The following PCBP3 variants were observed in gnomAD, a reference collection of about 807,000 sequenced individuals.
PCBP3 encodes poly(rC) binding protein 3.
In PCBP3, 25 loss-of-function variants were observed where a neutral mutation model predicts 52.7. The ratio of observed to expected loss-of-function variants is 0.47; its 90% confidence interval spans 0.35 to 0.66. The LOEUF (loss-of-function observed/expected upper bound fraction) is 0.66. Among genes scored for constraint, PCBP3 ranks in the 30% least tolerant of loss-of-function variants. The pLI is 0.01. For missense variants in PCBP3, 391 were observed against 490.3 expected (o/e 0.80, Z 1.91); for synonymous variants, 162 against 183.0 (o/e 0.89, Z 0.93).
At chr21:45,900,149 T>TG (rs1231180881) in intron 7 of PCBP3, among the ~76,000 whole-genome samples, 1 of 152,158 alleles carries the variant, frequency 6.6e-6, no homozygotes, top group Non-Finnish European at 1.5e-5. Context: ...AGTCCCACCA[T>TG]GGGGGCGCCT....
At chr21:45,770,680 AAGT>A (rs1188258275) in intron 4 of PCBP3, among the ~76,000 whole-genome samples, 2 of 152,242 alleles carry the variant, frequency 1.3e-5, no homozygotes, top group Non-Finnish European at 2.9e-5. Context: ...CTGGATGTGA[AAGT>A]AGCAGGAGGC....
chr21:45,794,068 T>C (rs538004401), intron 4 of PCBP3, among the ~76,000 whole-genome samples: 2 of 152,214 alleles, frequency 1.3e-5, no homozygotes, highest in South Asian at 4.2e-4. Context: ...GAAATAAAAA[T>C]CTCAAGCATA....
At chr21:45,643,934 C>G (rs1477245777) in intron 1 of PCBP3, 66 bp downstream of exon 1, 1 of 148,944 alleles carries the variant, frequency 6.7e-6, no homozygotes, top group African/African-American at 2.4e-5. Context: ...ACCCAGTCCC[C>G]GACGGAGGCC....
intron 5 of PCBP3, among the ~76,000 whole-genome samples, chr21:45,895,349 A>G (rs2095797263): frequency 6.6e-6 from 1 of 152,132 alleles, no homozygotes; most frequent in African/African-American, 2.4e-5. Context: ...GCAGCTTCAC[A>G]GGTTTCTGTT....
chr21:45,724,463 C>T lies in PCBP3; in HGVS notation c.-199-10929C>T, dbSNP rs538793291. 9.9e-5 allele frequency among the ~76,000 whole-genome samples: 15 copies of T among 152,274 alleles called. No homozygotes were observed. The East Asian group carries it at 2.7e-3, about 27-fold the overall frequency. ...CTCCCAACGGGGCAGCCCCAGAAGC[C>T]AACACTGCATGTTGGAAGGAGTCCC... On this transcript the variant is annotated intron_variant, in intron 2 of 17. Transcript: ENST00000681687. The surrounding 1 kb of genome is among the most constrained non-coding windows in gnomAD (Gnocchi z 5.3).
At chr21:45,645,710 A>C (rs2079205970) in intron 1 of PCBP3, among the ~76,000 whole-genome samples, 2 of 152,172 alleles carry the variant, frequency 1.3e-5, no homozygotes, top group Non-Finnish European at 2.9e-5. Context: ...AGCTATTCAG[A>C]TTTGGATTCT....
intron 2 of PCBP3, among the ~76,000 whole-genome samples, chr21:45,713,354 A>G (rs551637194): frequency 1.3e-5 from 2 of 152,204 alleles, no homozygotes; most frequent in Admixed American, 1.3e-4. Context: ...TATGCTCCAG[A>G]CAAACCGGGA....
intron 4 of PCBP3, among the ~76,000 whole-genome samples, chr21:45,797,763 T>TCCATA (rs2092039382): frequency 1.1e-3 from 1 of 930 alleles, no homozygotes. Context: ...AGTGAATGGA[T>TCCATA]GTGCATGTGG....
chr21:45,752,449 C>T (rs1315308658), intron 3 of PCBP3, among the ~76,000 whole-genome samples: 1 of 151,870 alleles, frequency 6.6e-6, no homozygotes, highest in Non-Finnish European at 1.5e-5. Flanking sequence ...TGTACATTTC[C>T]CTCAAAGTAC....
intron 2 of PCBP3, among the ~76,000 whole-genome samples, chr21:45,671,000 G>A (rs2081135501): frequency 6.6e-6 from 1 of 152,130 alleles, no homozygotes. Flanking sequence ...CATGGAGAAG[G>A]CACACATGCT....
intron 7 of PCBP3, among the ~76,000 whole-genome samples, chr21:45,900,090 C>A (rs1271129944): frequency 6.6e-6 from 1 of 152,220 alleles, no homozygotes; most frequent in African/African-American, 2.4e-5. Flanking sequence ...GTGAGGGCCA[C>A]CTCCCTGTCT....
In PCBP3 at chr21:45,788,907, A is replaced by G. The variant is rs113312464; in HGVS notation, c.-126+33455A>G. 0.013 allele frequency among the ~76,000 whole-genome samples: 2,029 copies of G among 152,342 alleles called. 61 individuals carry two copies. Among genetic ancestry groups the G allele is most frequent in the African/African-American group, 0.046 (1,896 of 41,558 alleles). ...AGTGGAGCTAATGACACATTTCAGA[A>G]TTAGAAATGGTTTTAGCAATAATTC... On this transcript the variant is annotated intron_variant, in intron 4 of 17. Coordinates refer to ENST00000681687, the MANE Select transcript of PCBP3 (RefSeq NM_001384156.1). The surrounding 1 kb of genome is among the most constrained non-coding windows in gnomAD (Gnocchi z 4.3).
intron 3 of PCBP3, among the ~76,000 whole-genome samples, chr21:45,740,712 AGT>A (rs985002790): frequency 1.3e-5 from 2 of 150,634 alleles, no homozygotes; most frequent in African/African-American, 2.5e-5. Flanking sequence ...TGTGCAGGTG[AGT>A]GTGTATATAG....
chr21:45,717,592 A>G (rs990940306), intron 2 of PCBP3, among the ~76,000 whole-genome samples: 4 of 152,188 alleles, frequency 2.6e-5, no homozygotes, highest in African/African-American at 7.2e-5. Context: ...TGAGATGATC[A>G]TGTGGTTTTT....
At chr21:45,839,812 G>A (rs1322830080) in intron 4 of PCBP3, among the ~76,000 whole-genome samples, 4 of 151,816 alleles carry the variant, frequency 2.6e-5, no homozygotes, top group Non-Finnish European at 4.4e-5. Flanking sequence ...TCAGCCTCCC[G>A]AGTAGCTGGG....
chr21:45,789,411 C>A lies in PCBP3; in HGVS notation c.-126+33959C>A, dbSNP rs117275582. On this transcript the variant is annotated intron_variant, in intron 4 of 17. Transcript: ENST00000681687. ...ACGAGTGTGTGCATGTGTTTGTGAT[C>A]GTGTCTTTTCATGTGTGTATGTGTA... is the stretch of plus-strand genomic sequence containing the variant. Among the ~76,000 whole-genome samples the A allele has an allele frequency of 3.0e-3, 450 of 151,662 alleles. 3 individuals carry two copies. The highest frequency in any genetic ancestry group is 5.1e-3 in the Admixed American group (77 of 15,204).
chr21:45,854,303 T>C (rs2094179479), intron 5 of PCBP3, among the ~76,000 whole-genome samples: 1 of 152,184 alleles, frequency 6.6e-6, no homozygotes, highest in Non-Finnish European at 1.5e-5. Context: ...ACATAGAATT[T>C]TCCATCTTAA....
At chr21:45,901,341 G>A (rs1185686915) in intron 9 of PCBP3, 6 of 494,916 alleles carry the variant, frequency 1.2e-5, no homozygotes, top group Non-Finnish European at 2.2e-5. Context: ...ACTCCCGGCT[G>A]TATGCCTTAG....
At chr21:45,712,147 T>C (rs2083883062) in intron 2 of PCBP3, among the ~76,000 whole-genome samples, 1 of 152,248 alleles carries the variant, frequency 6.6e-6, no homozygotes. Flanking sequence ...ATCCATTCAC[T>C]TATTGAAAGA....
Sources: gnomAD v4.1 joint callset for allele counts (sites outside exome capture counted in the v4.1 genomes callset) on GRCh38, gnomAD v4.1.1 for gene constraint, Gnocchi (gnomAD v3.1) non-coding constraint, MANE v1.5 for transcripts, NCBI Gene and HGNC (gene_info 2026-07-23, HGNC 2026-07-21) for gene names.